AKNA: variants seen among roughly 807,000 people sequenced by gnomAD.
AKNA encodes AT-hook transcription factor.
Under a neutral mutation model 138.8 loss-of-function variants are expected in AKNA, and 67 were observed. The ratio of observed to expected loss-of-function variants is 0.48; its 90% CI spans 0.40 to 0.59. The LOEUF (loss-of-function observed/expected upper bound fraction) is 0.59, where lower values mean the gene tolerates loss of function less well. AKNA is among the 20% of genes least tolerant of loss of function. AKNA has a pLI of 0.00. For missense variants in AKNA, 1,813 were observed against 1,880.4 expected (o/e 0.96, Z 0.66); for synonymous variants, 737 against 754.4 (o/e 0.98, Z 0.38).
At position 114,346,026 on chromosome 9, in the gene AKNA, G is replaced by A. The variant is rs895603553; in HGVS notation, c.3515-17C>T. ...ATTCTGAACCTGGGGTAGAAAAAGT[G>A]GGGCATCAGAGGGGGCAAGGGGTGG... On this transcript the variant is annotated splice_polypyrimidine_tract_variant and intron_variant, in intron 17 of 21. Coordinates refer to ENST00000374088, the MANE Select transcript of AKNA (RefSeq NM_001317950.2). 6.2e-7 allele frequency: 1 copy of A among 1,611,970 alleles called. No homozygotes were observed.
chr9:114,381,568 C>A, intron 1 of AKNA, 122 bp from the exon 2 acceptor site: 1 of 1,044,966 alleles, frequency 9.6e-7, no homozygotes. Flanking sequence ...TTGTGTCCTC[C>A]CGAAGCTGTG....
chr9:114,357,111 G>C lies in AKNA; in HGVS notation c.2740-142C>G, dbSNP rs60701901. On this transcript the variant is annotated intron_variant, in intron 12 of 21. Transcript: ENST00000374088. ...CCCAGCTCCCAACAGCCAGGCCCAGGAGTGAGGGCTCTCAGGCTCTCAGGC... is the reference window on the plus strand; with the variant it reads ...CCCAGCTCCCAACAGCCAGGCCCAGCAGTGAGGGCTCTCAGGCTCTCAGGC... 0.015 allele frequency: 9,416 copies of C among 633,842 alleles called. 720 individuals carry two copies. In the African/African-American group the frequency reaches 0.16, roughly 11 times the overall value. 39.3% of individuals were successfully genotyped at this position (633,842 alleles called of 1,614,324 possible).
chr9:114,330,955 G>C, downstream of AKNA: 1 of 1,027,980 alleles, frequency 9.7e-7, no homozygotes, highest in Non-Finnish European at 1.5e-6. Flanking sequence ...GGAGGCTTTG[G>C]GCACAGAGAA....
intron 14 of AKNA, among the ~76,000 whole-genome samples, chr9:114,352,614 T>C (rs1468218169): frequency 6.7e-6 from 1 of 148,288 alleles, no homozygotes; most frequent in Middle Eastern, 3.7e-3. Context: ...AAAAGTTTAA[T>C]TAAAAACGTT....
rs754902844 is a variant in AKNA at position 114,358,198 on chromosome 9, T to A, written c.2493-31A>T. 1.9e-5 allele frequency: 31 copies of A among 1,612,444 alleles called. No individual in the cohort carries two copies. In the African/African-American group the frequency reaches 4.1e-4, roughly 22 times the overall value. On this transcript the variant is annotated intron_variant, in intron 11 of 21. Transcript: ENST00000374088. ...ATGGGAAGAGAAGACCATCCTTGAG[T>A]TCTGCCAGGCAGCCCTGACGCAGGG... is the stretch of plus-strand genomic sequence containing the variant.
intron 21 of AKNA, among the ~76,000 whole-genome samples, chr9:114,339,551 T>G (rs868642397): frequency 6.6e-6 from 1 of 152,228 alleles, no homozygotes; most frequent in Non-Finnish European, 1.5e-5. Context: ...AACAGCAACC[T>G]GGTGAGTTCT....
chr9:114,358,488 C>T (rs1831669587), intron 11 of AKNA, among the ~76,000 whole-genome samples: 1 of 152,154 alleles, frequency 6.6e-6, no homozygotes, highest in African/African-American at 2.4e-5. Context: ...CATAAACTTC[C>T]ATCTACTCCA....
intron 12 of AKNA, among the ~76,000 whole-genome samples, chr9:114,357,719 C>T (rs1389638154): frequency 2.0e-5 from 3 of 152,174 alleles, no homozygotes; most frequent in Non-Finnish European, 4.4e-5. Context: ...AGAGGAGGAA[C>T]AAGAGCTCCG....
chr9:114,353,995 TACA>T (rs1397187612), intron 14 of AKNA, among the ~76,000 whole-genome samples: 1 of 152,210 alleles, frequency 6.6e-6, no homozygotes, highest in East Asian at 1.9e-4. Context: ...AGGCTAAATT[TACA>T]ACATTTATAC....
At chr9:114,331,598 GT>G, downstream of AKNA, 1 of 1,614,006 alleles carries the variant, frequency 6.2e-7, no homozygotes, top group East Asian at 2.2e-5. Context: ...CTCACCTGCT[GT>G]TCCTTAGGGA....
Position 114,361,884 on chromosome 9 carries a change from C to T in AKNA, c.1944G>A (p.Leu648=). Reference sequence around the variant, plus strand: ...CCTTCAGCTCTTCCAGGCAGCTTCCCAGACGGTATATCTCTGCCTCCAGCT... The same window carrying T: ...CCTTCAGCTCTTCCAGGCAGCTTCCTAGACGGTATATCTCTGCCTCCAGCT... The part of the protein sequence containing the change: ...RRELEAEIYR[L]GSCLEELKEH... The change falls in exon 9 of 22, where the codon CTG becomes CTA. Residue 648 remains leucine (L), a synonymous_variant. Transcript: ENST00000374088. 10 of 1,605,150 alleles carry T rather than the reference C, an allele frequency of 6.2e-6. No individual in the cohort carries two copies. The highest frequency in any genetic ancestry group is 6.8e-6 in the Non-Finnish European group (8 of 1,179,982).
intron 2 of AKNA, 137 bp downstream of exon 2, chr9:114,380,923 T>A (rs1833604997): frequency 2.0e-6 from 2 of 995,930 alleles, no homozygotes; most frequent in South Asian, 4.8e-5. Context: ...GCAGAGGCTG[T>A]AGTGAGCCGA....
At chr9:114,394,501 CCT>C (rs909666121), upstream of AKNA, 5 of 152,218 alleles carry the variant, frequency 3.3e-5, no homozygotes, top group Admixed American at 2.0e-4. Flanking sequence ...ACCTTCTCCT[CCT>C]CTGTTTAAAC....
At chr9:114,398,207 G>A (rs1448470334), upstream of AKNA, among the ~76,000 whole-genome samples, 2 of 152,324 alleles carry the variant, frequency 1.3e-5, no homozygotes, top group South Asian at 2.1e-4. This position sits in a 1 kb window ranked among gnomAD's most constrained non-coding sequence, Gnocchi z 4.2. Flanking sequence ...GTTTGGACTG[G>A]GGCCCATACC....
At position 114,356,136 on chromosome 9, in the gene AKNA, G is replaced by A. The variant is rs1361676231; in HGVS notation, c.2847C>T (p.Ser949=). The part of the protein sequence containing the change: ...QTPEHRLSHI[S]TAGTLAQPFA... ...AGGGCTGGGCTAATGTTCCTGCTGTGCTGGGGGACCGTGGAGGAAGGGACA... is the reference window on the plus strand; with the variant it reads ...AGGGCTGGGCTAATGTTCCTGCTGTACTGGGGGACCGTGGAGGAAGGGACA... Residue 949 remains serine, a splice_region_variant and synonymous_variant, in exon 14 of 22, where the codon AGC becomes AGT. Coordinates refer to ENST00000374088, the MANE Select transcript of AKNA (RefSeq NM_001317950.2). The A allele has an allele frequency of 6.2e-7, 1 of 1,611,224 alleles. No homozygotes were observed. The highest frequency in any genetic ancestry group is 8.5e-7 in the Non-Finnish European group (1 of 1,178,120).
downstream of AKNA, chr9:114,333,115 A>G (rs530796283): frequency 1.3e-5 from 20 of 1,581,348 alleles, 1 homozygote; most frequent in South Asian, 2.3e-4. Flanking sequence ...GAGAGGAAAC[A>G]GGAGGAGGGG....
At chr9:114,373,432 C>A (rs1034969560) in intron 4 of AKNA, among the ~76,000 whole-genome samples, 6 of 152,194 alleles carry the variant, frequency 3.9e-5, no homozygotes, top group African/African-American at 1.4e-4. Context: ...AAAAAACAAG[C>A]ACCAGGGGCT....
In AKNA at chr9:114,343,775, C is replaced by A; in HGVS notation, c.3690G>T (p.Lys1230Asn). Residue 1230 changes from lysine (K) to asparagine (N), a missense_variant, in exon 19 of 22, where the codon AAG becomes AAT. Physicochemically the swap from Lys to Asn is moderately conservative, Grantham distance 94 (BLOSUM62 0). Transcript: ENST00000374088. ...TGHEYHVLSP[K>N]AVPKGNGTVS... ...CTGTGCCATTGCCTTTTGGGACCGC[C>A]TTAGGGGACAGAACATGGTATTCGT... 1 of 1,613,964 alleles carries A rather than the reference C, an allele frequency of 6.2e-7. No homozygotes were observed. Among genetic ancestry groups the A allele is most frequent in the Non-Finnish European group, 8.5e-7 (1 of 1,179,844 alleles).
chr9:114,382,881 G>T (rs984222954), intron 1 of AKNA, among the ~76,000 whole-genome samples: 3 of 152,098 alleles, frequency 2.0e-5, no homozygotes, highest in African/African-American at 7.2e-5. Context: ...CTGAAGTGAT[G>T]AAAATGTTTT....
Sources: allele counts gnomAD v4.1 joint callset (sites outside exome capture counted in the v4.1 genomes callset), GRCh38; gene constraint gnomAD v4.1.1; non-coding constraint Gnocchi (gnomAD v3.1); transcripts MANE v1.5; gene names NCBI Gene and HGNC (gene_info 2026-07-23, HGNC 2026-07-21).